Variants in UST observed in about 807,000 individuals in gnomAD.
UST encodes uronyl 2-sulfotransferase, also known as chondroitin sulfate 2-O-sulfotransferase.
A neutral mutation model predicts 45.6 loss-of-function variants in UST; 21 were observed. The ratio of observed to expected loss-of-function variants is 0.46; its 90% CI spans 0.33 to 0.66. The LOEUF is 0.66. Ranked by LOEUF, UST falls within the 30% of genes least tolerant of loss-of-function variation. The pLI is 0.02. For missense variants in UST, 463 were observed against 512.4 expected (o/e 0.90, Z 0.93); for synonymous variants, 215 against 200.6 (o/e 1.07, Z -0.61).
chr6:148,958,296 C>T (rs1780566385), intron 4 of UST, among the ~76,000 whole-genome samples: 2 of 151,660 alleles, frequency 1.3e-5, no homozygotes, highest in Middle Eastern at 3.4e-3. Flanking sequence ...TTGGTTCAGA[C>T]CATCAGGTGT....
At chr6:149,053,165 ATATTT>A (rs1186791142) in intron 7 of UST, among the ~76,000 whole-genome samples, 1 of 152,236 alleles carries the variant, frequency 6.6e-6, no homozygotes, top group East Asian at 1.9e-4. Flanking sequence ...AGATATAAAA[ATATTT>A]TATGACATAT....
intron 5 of UST, among the ~76,000 whole-genome samples, chr6:148,970,728 C>T (rs1016664318): frequency 3.3e-5 from 5 of 152,188 alleles, no homozygotes; most frequent in African/African-American, 1.2e-4. Context: ...AGTGTCAGTG[C>T]CCAGGCTGCC....
At chr6:148,795,670 G>A (rs901598893) in intron 1 of UST, among the ~76,000 whole-genome samples, 6 of 152,146 alleles carry the variant, frequency 3.9e-5, no homozygotes, top group Non-Finnish European at 8.8e-5. Flanking sequence ...GCGTGGGTCT[G>A]TAGTCCATGG....
chr6:148,949,436 T>TAATAA lies in UST; in HGVS notation c.448-4436_448-4435insAATAA, dbSNP rs1562309750. Among the ~76,000 whole-genome samples the TAATAA allele has an allele frequency of 6.4e-4, 32 of 50,390 alleles. 1 individual carries two copies. In the South Asian group the frequency reaches 9.7e-3, roughly 15 times the overall value. 33.1% of individuals were successfully genotyped at this position (50,390 alleles called of 152,430 possible). ...AATAATAATAATAATAATAATAATA[T>TAATAA]TACTTATTCATGGGGTTCTTGTGAG... On this transcript the variant is annotated intron_variant, in intron 3 of 7. Transcript: ENST00000367463.
chr6:148,851,618 C>T (rs933483757), intron 1 of UST, among the ~76,000 whole-genome samples: 10 of 152,184 alleles, frequency 6.6e-5, no homozygotes, highest in Admixed American at 3.9e-4. Flanking sequence ...CTCAGCCAGG[C>T]GACCTTTATG....
chr6:148,777,023 A>C (rs1254563807), intron 1 of UST, among the ~76,000 whole-genome samples: 1 of 152,178 alleles, frequency 6.6e-6, no homozygotes, highest in East Asian at 1.9e-4. Context: ...ACAGGCAGTA[A>C]ATTCAGGGAG....
At chr6:148,822,247 A>T (rs1333146779) in intron 1 of UST, among the ~76,000 whole-genome samples, 1 of 152,194 alleles carries the variant, frequency 6.6e-6, no homozygotes, top group Non-Finnish European at 1.5e-5. Context: ...GAAAAATCTT[A>T]TGCTTACATT....
intron 2 of UST, among the ~76,000 whole-genome samples, chr6:148,917,307 T>C (rs6928574): frequency 0.016 from 2,448 of 152,338 alleles, 77 homozygotes; most frequent in African/African-American, 0.056. Flanking sequence ...TTTAGCCCAT[T>C]ACCTAGTACA....
At chr6:149,068,616 T>C (rs1038224263) in intron 7 of UST, among the ~76,000 whole-genome samples, 1 of 152,234 alleles carries the variant, frequency 6.6e-6, no homozygotes, top group Non-Finnish European at 1.5e-5. Context: ...ATTTTATTGA[T>C]GTATAATATT....
rs117292308 is a variant in UST at position 148,926,149 on chromosome 6, T to A, written c.292-15130T>A. Among the ~76,000 whole-genome samples, 128 of 152,326 alleles carry A rather than the reference T, an allele frequency of 8.4e-4. 1 individual carries two copies. The highest frequency in any genetic ancestry group is 5.8e-3 in the East Asian group (30 of 5,186). On this transcript the variant is annotated intron_variant, in intron 2 of 7. Coordinates refer to ENST00000367463, the MANE Select transcript of UST (RefSeq NM_005715.3). ...CTTTATGAGATCCTTTCCACTGACA[T>A]ATTTTGATCATCGATACAGCATTTC...
intron 7 of UST, among the ~76,000 whole-genome samples, chr6:149,033,694 G>A (rs1776189633): frequency 6.6e-6 from 1 of 152,044 alleles, no homozygotes. Context: ...CCCGCCCCTC[G>A]TCTTTACCAT....
intron 2 of UST, among the ~76,000 whole-genome samples, chr6:148,923,211 G>A (rs9404006): frequency 0.028 from 4,243 of 152,226 alleles, 148 homozygotes; most frequent in East Asian, 0.13. Context: ...CATTTCAGTC[G>A]TCTCCACTTT....
intron 7 of UST, among the ~76,000 whole-genome samples, chr6:149,064,912 C>G (rs1776710355): frequency 6.6e-6 from 1 of 151,880 alleles, no homozygotes; most frequent in African/African-American, 2.4e-5. Context: ...AAAAATACCC[C>G]ACGGGCCAAA....
chr6:148,786,800 T>G (rs138613467), intron 1 of UST, among the ~76,000 whole-genome samples: 16,114 of 152,246 alleles, frequency 0.11, 951 homozygotes, highest in Non-Finnish European at 0.13. Context: ...TCTAGGTCGT[T>G]GAGGAGTCAC....
intron 5 of UST, among the ~76,000 whole-genome samples, chr6:148,996,618 A>T (rs562407002): frequency 6.1e-4 from 93 of 152,358 alleles, no homozygotes; most frequent in African/African-American, 2.2e-3. Context: ...TACCCTGTGG[A>T]ATTGATCTCT....
intron 5 of UST, among the ~76,000 whole-genome samples, chr6:148,974,096 G>A (rs1027790114): frequency 2.6e-5 from 4 of 152,150 alleles, no homozygotes; most frequent in African/African-American, 9.7e-5. Context: ...ACTAAGAAGA[G>A]GGAATGTCTG....
At chr6:148,849,135 C>T (rs1778055852) in intron 1 of UST, among the ~76,000 whole-genome samples, 1 of 152,130 alleles carries the variant, frequency 6.6e-6, no homozygotes, top group Non-Finnish European at 1.5e-5. Flanking sequence ...TGGATCTTCC[C>T]CACTCAGTCC....
intron 1 of UST, among the ~76,000 whole-genome samples, chr6:148,806,927 G>T (rs945189521): frequency 8.5e-5 from 13 of 152,180 alleles, no homozygotes; most frequent in African/African-American, 2.7e-4. Context: ...TGAGGCCAGA[G>T]CCCCCATGAC....
rs933028544 is a variant in UST, at chr6:148,748,400, TGTG to T, written c.247+724_247+726del. On this transcript the variant is annotated intron_variant, in intron 1 of 7. Transcript: ENST00000367463. This position sits in a 1 kb window ranked among gnomAD's most constrained non-coding sequence, Gnocchi z 5.3. ...TGCGTCTCAAGCTCAAGTCAAAACT[TGTG>T]TGTGTGTGTGTGTGTGTGTGTGTGT... Among the ~76,000 whole-genome samples, 2 of 2,656 alleles carry T rather than the reference TGTG, an allele frequency of 7.5e-4. No homozygotes were observed. The highest frequency in any genetic ancestry group is 3.8e-3 in the Admixed American group (1 of 266). The allele number at this position is 2,656 out of a possible 152,430, so 1.7% of individuals were successfully genotyped here.
Sources: gnomAD v4.1 joint callset for allele counts (sites outside exome capture counted in the v4.1 genomes callset) on GRCh38, gnomAD v4.1.1 for gene constraint, Gnocchi (gnomAD v3.1) non-coding constraint, MANE v1.5 for transcripts, NCBI Gene and HGNC (gene_info 2026-07-23, HGNC 2026-07-21) for gene names.